CPVL: variants seen among roughly 807,000 people sequenced by gnomAD.
CPVL encodes carboxypeptidase vitellogenic like.
CPVL carries 51 observed loss-of-function variants against 63.7 expected under a neutral mutation model. That is an observed-to-expected ratio of 0.80 (90% CI 0.64 to 1.01). The LOEUF (loss-of-function observed/expected upper bound fraction) is 1.01, where lower values mean the gene tolerates loss of function less well. Ranked by LOEUF, CPVL falls within the 50% of genes least tolerant of loss-of-function variation. The pLI, the probability that CPVL is intolerant of heterozygous loss-of-function variation, is 0.00. For missense variants in CPVL, 530 were observed against 573.1 expected (o/e 0.92, Z 0.77); for synonymous variants, 195 against 206.0 (o/e 0.95, Z 0.46).
At chr7:28,997,647 A>G (rs918286938) in intron 12 of CPVL, among the ~76,000 whole-genome samples, 8 of 152,190 alleles carry the variant, frequency 5.3e-5, no homozygotes, top group African/African-American at 1.9e-4. Flanking sequence ...GTTAAGTGAG[A>G]TAACTAGCTA....
At chr7:29,125,008 T>A (rs1789848298) in intron 1 of CPVL, 1 of 152,152 alleles carries the variant, frequency 6.6e-6, no homozygotes, top group African/African-American at 2.4e-5. Flanking sequence ...TTAAGATATG[T>A]CCTGATCTCC....
intron 12 of CPVL, among the ~76,000 whole-genome samples, chr7:28,998,026 A>C (rs1314987545): frequency 3.3e-5 from 5 of 152,158 alleles, no homozygotes; most frequent in Non-Finnish European, 7.4e-5. Context: ...TGCAACTGGA[A>C]ACCCAGCATG....
At chr7:29,046,875 G>T (rs565305029) in intron 11 of CPVL, among the ~76,000 whole-genome samples, 14 of 152,136 alleles carry the variant, frequency 9.2e-5, no homozygotes, top group African/African-American at 3.4e-4. Flanking sequence ...TTAAAATGAG[G>T]ATACATCTTA....
rs183743951 is a variant in CPVL at position 29,025,133 on chromosome 7, G to A, written c.1320+5444C>T. ...CATAAAAGACATAAACCGGCTGAAC[G>A]GATAAAAATAAAATATGATCTAACT... On this transcript the variant is annotated intron_variant, in intron 12 of 12. Coordinates refer to ENST00000265394, the MANE Select transcript of CPVL (RefSeq NM_031311.5). Among the ~76,000 whole-genome samples, 8 of 152,234 alleles carry A rather than the reference G, an allele frequency of 5.3e-5. No individual in the cohort carries two copies. The East Asian group carries it at 1.4e-3, about 26-fold the overall frequency.
At chr7:29,140,067 T>G (rs1372644217) in intron 1 of CPVL, among the ~76,000 whole-genome samples, 1 of 152,142 alleles carries the variant, frequency 6.6e-6, no homozygotes, top group Non-Finnish European at 1.5e-5. Context: ...CATATGAGCT[T>G]TTCCCTAGCC....
At chr7:29,091,589 C>A (rs1156662947) in intron 6 of CPVL, among the ~76,000 whole-genome samples, 1 of 152,130 alleles carries the variant, frequency 6.6e-6, no homozygotes, top group Non-Finnish European at 1.5e-5. Flanking sequence ...TCCCTAGGAC[C>A]CCACTGTATG....
rs1784832351 is a variant in CPVL at position 29,003,163 on chromosome 7, C to CACACAT, written c.1321-7282_1321-7281insATGTGT. Reference sequence around the variant, plus strand: ...TATAGTATGTGTATGTGCACACACACACACACACACACACACACACACACA... The same window carrying CACACAT: ...TATAGTATGTGTATGTGCACACACACACACATACACACACACACACACACACACACA... On this transcript the variant is annotated intron_variant, in intron 12 of 12. Coordinates refer to ENST00000265394, the MANE Select transcript of CPVL (RefSeq NM_031311.5). Among the ~76,000 whole-genome samples the CACACAT allele has an allele frequency of 3.9e-5, 3 of 75,988 alleles. No homozygotes were observed. In the South Asian group the frequency reaches 1.0e-3, roughly 26 times the overall value. The allele number at this position is 75,988 out of a possible 152,430, so 49.9% of individuals were successfully genotyped here.
intron 3 of CPVL, among the ~76,000 whole-genome samples, chr7:29,101,409 G>C (rs2128618267): frequency 6.6e-6 from 1 of 152,230 alleles, no homozygotes; most frequent in Middle Eastern, 3.4e-3. Flanking sequence ...AACCATCCTT[G>C]CTAACACGGT....
intron 11 of CPVL, among the ~76,000 whole-genome samples, chr7:29,061,912 A>C (rs374221265): frequency 6.0e-4 from 90 of 151,208 alleles, no homozygotes; most frequent in Non-Finnish European, 1.0e-3. Context: ...CCATTGCACT[A>C]CAGCTGGGCA....
chr7:29,015,612 T>C (rs1039932645), intron 12 of CPVL, among the ~76,000 whole-genome samples: 1 of 152,218 alleles, frequency 6.6e-6, no homozygotes, highest in Non-Finnish European at 1.5e-5. Context: ...CCGTACAGCC[T>C]GCAGAACTGT....
chr7:29,023,350 A>G (rs1339147964), intron 12 of CPVL, among the ~76,000 whole-genome samples: 1 of 152,184 alleles, frequency 6.6e-6, no homozygotes, highest in Non-Finnish European at 1.5e-5. Context: ...CAGGCAAGAG[A>G]GCTTGTGTGG....
upstream of CPVL, chr7:29,146,950 C>T: frequency 6.4e-7 from 1 of 1,551,124 alleles, no homozygotes; most frequent in Non-Finnish European, 8.7e-7. Flanking sequence ...TACATTCCAG[C>T]TGCACTAGCA....
upstream of CPVL, among the ~76,000 whole-genome samples, chr7:29,147,964 G>A (rs905453021): frequency 1.3e-5 from 2 of 152,206 alleles, no homozygotes; most frequent in Admixed American, 6.5e-5. Context: ...CCAGTTCCTG[G>A]TTTGCAGCCA....
intron 5 of CPVL, among the ~76,000 whole-genome samples, chr7:29,093,428 G>A (rs1786055810): frequency 6.6e-6 from 1 of 150,828 alleles, no homozygotes; most frequent in African/African-American, 2.4e-5. Flanking sequence ...GAAGAAAAAG[G>A]TAGTTGTACA....
intron 12 of CPVL, chr7:29,011,359 A>G: frequency 6.6e-6 from 1 of 152,474 alleles, no homozygotes; most frequent in Non-Finnish European, 1.5e-5. Flanking sequence ...GGATCACTTG[A>G]GCTCAGGAGT....
At chr7:28,999,968 T>C (rs1338722279) in intron 12 of CPVL, among the ~76,000 whole-genome samples, 1 of 152,098 alleles carries the variant, frequency 6.6e-6, no homozygotes, top group Non-Finnish European at 1.5e-5. Context: ...TAGAGGTGAG[T>C]AACAAAATGT....
intron 6 of CPVL, among the ~76,000 whole-genome samples, chr7:29,088,723 G>A (rs1009930240): frequency 5.3e-5 from 8 of 152,084 alleles, no homozygotes; most frequent in African/African-American, 1.9e-4. Flanking sequence ...GGGCGCGGTG[G>A]CTCACACCTG....
chr7:29,115,585 T>A (rs1382692935), intron 2 of CPVL, among the ~76,000 whole-genome samples: 2 of 152,076 alleles, frequency 1.3e-5, no homozygotes, highest in Middle Eastern at 3.4e-3. Flanking sequence ...TTTTGAAATA[T>A]TTTTAGCAAA....
chr7:29,185,690 T>C (rs572981927), intron 2 of CPVL: 3 of 152,272 alleles, frequency 2.0e-5, no homozygotes, highest in South Asian at 2.1e-4. Flanking sequence ...GATCTCGGCA[T>C]TGGGATTTCT....
Sources: gnomAD v4.1 joint callset for allele counts (sites outside exome capture counted in the v4.1 genomes callset) on GRCh38, gnomAD v4.1.1 for gene constraint, MANE v1.5 for transcripts, NCBI Gene and HGNC (gene_info 2026-07-23, HGNC 2026-07-21) for gene names.